Variants in TET2 observed in about 807,000 individuals in gnomAD.
The protein encoded by TET2 is methylcytosine dioxygenase TET2.
In TET2, 299 loss-of-function variants were observed where a neutral mutation model predicts 142.9. The ratio of observed to expected loss-of-function variants is 2.09; its 90% CI spans 1.90 to 2.30. The LOEUF (loss-of-function observed/expected upper bound fraction) is 2.30. Among genes scored for constraint, TET2 ranks in the 30% most tolerant of loss-of-function variants. TET2 has a pLI of 0.00. For missense variants in TET2, 2,418 were observed against 2,378.0 expected (o/e 1.02, Z -0.35); for synonymous variants, 819 against 849.0 (o/e 0.96, Z 0.61).
intron 2 of TET2, among the ~76,000 whole-genome samples, chr4:105,213,348 TGAGAG>T (rs1727286390): frequency 6.6e-6 from 1 of 152,140 alleles, no homozygotes; most frequent in Non-Finnish European, 1.5e-5. Context: ...GAGGAAAAAT[TGAGAG>T]GAAGCATACT....
Position 105,240,553 on chromosome 4 carries a change from CTG to C in TET2, c.3410-782_3410-781del, listed in dbSNP as rs1387773366. The C allele has an allele frequency of 4.6e-6, 5 of 1,079,246 alleles. No homozygotes were observed. In the African/African-American group the frequency reaches 6.6e-5, roughly 14 times the overall value. The allele number at this position is 1,079,246 out of a possible 1,614,324, so 66.9% of individuals were successfully genotyped here. On this transcript the variant is annotated intron_variant, in intron 3 of 10. Transcript: ENST00000380013. ...CCCTCTTGCAATGAGATACCCCACA[CTG>C]TGTAGAAGGATGGAGGGAGGACTCC... is the stretch of plus-strand genomic sequence containing the variant.
intron 2 of TET2, among the ~76,000 whole-genome samples, chr4:105,203,233 C>T (rs186676555): frequency 9.8e-5 from 15 of 152,290 alleles, no homozygotes; most frequent in Admixed American, 7.8e-4. Context: ...TATGATTATG[C>T]TTTACTAAGA....
At position 105,235,426 on chromosome 4, in the gene TET2, C is replaced by A. The variant is rs1728799967; in HGVS notation, c.1484C>A (p.Thr495Lys). 2.5e-6 allele frequency: 4 copies of A among 1,614,200 alleles called. No individual in the cohort carries two copies. Among genetic ancestry groups the A allele is most frequent in the Non-Finnish European group, 3.4e-6 (4 of 1,180,022 alleles). ...AGGAATGACATACAGACTGCAGGGA[C>A]AATGACTGTTCCATTGTGTTCTGAG... ...VNRNDIQTAG[T>K]MTVPLCSEKT... Residue 495 changes from threonine (T) to lysine (K), a missense_variant, in exon 3 of 11, where the codon ACA becomes AAA. Physicochemically the swap from Thr to Lys is moderately conservative, Grantham distance 78. Transcript: ENST00000380013.
intron 1 of TET2, among the ~76,000 whole-genome samples, chr4:105,152,598 C>CT (rs869064512): frequency 0.063 from 1,485 of 23,480 alleles, 10 homozygotes; most frequent in East Asian, 0.12. Flanking sequence ...TTCTTTCTTT[C>CT]TTTTTTTTTT....
At chr4:105,271,827 C>T (rs1256017639) in intron 9 of TET2, among the ~76,000 whole-genome samples, 2 of 152,110 alleles carry the variant, frequency 1.3e-5, no homozygotes, top group Admixed American at 6.6e-5. Context: ...ATTATCAAAG[C>T]AACAGAGGTA....
intron 3 of TET2, chr4:105,239,378 T>C (rs887136455): frequency 4.2e-6 from 1 of 240,772 alleles, no homozygotes. Flanking sequence ...TAGTAGGCTG[T>C]TTAGTACAGC....
rs1458578486 is a variant in TET2, at chr4:105,243,868, TTTTACA to T, written c.3803+95_3803+100del. On this transcript the variant is annotated intron_variant, in intron 6 of 10. Transcript: ENST00000380013. ...GAAAGGAAGAGAGTTCAGCGTGCAC[TTTTACA>T]TTTATAAAATGGGCATCAAAATGCC... 8 of 1,196,942 alleles carry T rather than the reference TTTTACA, an allele frequency of 6.7e-6. No individual in the cohort carries two copies. The African/African-American group carries it at 1.2e-4, about 18-fold the overall frequency. 74.1% of individuals were successfully genotyped at this position (1,196,942 alleles called of 1,614,324 possible). A position where few individuals can be genotyped will look rare whatever the true frequency, so the allele number is the denominator to read the frequency against.
chr4:105,169,971 T>G (rs1724369924), intron 1 of TET2, among the ~76,000 whole-genome samples: 1 of 152,168 alleles, frequency 6.6e-6, no homozygotes, highest in Admixed American at 6.5e-5. Context: ...CCATGCTGTT[T>G]TGGTGTCTAT....
At chr4:105,180,421 A>G (rs997310032) in intron 1 of TET2, among the ~76,000 whole-genome samples, 7 of 152,192 alleles carry the variant, frequency 4.6e-5, no homozygotes, top group Non-Finnish European at 8.8e-5. Context: ...GCTGTTGTAG[A>G]TAGATAAAAT....
chr4:105,273,379 T>A (rs1421115777), intron 10 of TET2, among the ~76,000 whole-genome samples: 2 of 152,214 alleles, frequency 1.3e-5, no homozygotes, highest in Non-Finnish European at 2.9e-5. Flanking sequence ...CAACTTTTTT[T>A]AACAGGTAAG....
At chr4:105,266,119 C>T (rs560763191) in intron 8 of TET2, among the ~76,000 whole-genome samples, 189 of 152,168 alleles carry the variant, frequency 1.2e-3, no homozygotes, top group Non-Finnish European at 1.5e-3. Context: ...AGGGAAAGAA[C>T]CATCAGAAGA....
At chr4:105,149,017 G>C (rs1055724093) in intron 1 of TET2, among the ~76,000 whole-genome samples, 1 of 152,160 alleles carries the variant, frequency 6.6e-6, no homozygotes, top group Non-Finnish European at 1.5e-5. Context: ...CTGTGGAATA[G>C]AAACGGTTCA....
At chr4:105,151,973 G>A (rs1297573749) in intron 1 of TET2, among the ~76,000 whole-genome samples, 1 of 151,984 alleles carries the variant, frequency 6.6e-6, no homozygotes, top group Non-Finnish European at 1.5e-5. Flanking sequence ...TACTCAGGAG[G>A]CTGAGGCCCG....
intron 10 of TET2, 96 bp downstream of exon 10, chr4:105,273,014 T>A: frequency 1.1e-6 from 1 of 943,846 alleles, no homozygotes; most frequent in Non-Finnish European, 1.6e-6. Flanking sequence ...TTGTAAGTTC[T>A]GGGGTACACA....
rs1731200843 is a variant in TET2, at chr4:105,275,975, C to G, written c.5465C>G (p.Ala1822Gly). The G allele has an allele frequency of 5.2e-6, 8 of 1,551,728 alleles. No homozygotes were observed. Among genetic ancestry groups the G allele is most frequent in the Non-Finnish European group, 5.2e-6 (6 of 1,146,988 alleles). The change falls in exon 11 of 11, where the codon GCT (alanine) becomes GGT (glycine). Residue 1822 changes from alanine (A) to glycine (G), a missense_variant. Ala to Gly is a moderately conservative substitution (Grantham distance 60, BLOSUM62 0). Transcript: ENST00000380013. ...VQGGLHKLSDANGQEKQPLAL... is the reference protein window; with the variant it reads ...VQGGLHKLSDGNGQEKQPLAL... ...GGAGGCTTACACAAATTAAGTGATG[C>G]TAATGGTCAGGAAAAGCAGCCATTG...
At chr4:105,212,074 T>G (rs1727198055) in intron 2 of TET2, among the ~76,000 whole-genome samples, 1 of 152,218 alleles carries the variant, frequency 6.6e-6, no homozygotes, top group Admixed American at 6.5e-5. Context: ...CCTTGATTAT[T>G]CCTTTGGTAG....
chr4:105,261,592 T>C (rs574250515), intron 7 of TET2, among the ~76,000 whole-genome samples, 167 bp from the exon 8 acceptor site: 2 of 152,226 alleles, frequency 1.3e-5, no homozygotes, highest in African/African-American at 2.4e-5. Flanking sequence ...CTAGCACATA[T>C]GAAATTAAAT....
At chr4:105,245,350 A>G (rs1729535237) in intron 6 of TET2, among the ~76,000 whole-genome samples, 2 of 151,190 alleles carry the variant, frequency 1.3e-5, no homozygotes. Flanking sequence ...TTTTTTTTTA[A>G]GACAGAGTTT....
chr4:105,241,297 A>G, intron 3 of TET2, 42 bp from the exon 4 acceptor site: 2 of 1,514,756 alleles, frequency 1.3e-6, no homozygotes, highest in South Asian at 1.3e-5. Context: ...TATATTTAGT[A>G]TAATTGAGGT....
Sources: gnomAD v4.1 joint callset for allele counts (sites outside exome capture counted in the v4.1 genomes callset) on GRCh38, gnomAD v4.1.1 for gene constraint, MANE v1.5 for transcripts, NCBI Gene and HGNC (gene_info 2026-07-23, HGNC 2026-07-21) for gene names.